ADCY5: variants seen among roughly 807,000 people sequenced by gnomAD.
The protein encoded by ADCY5 is adenylate cyclase type 5.
In ADCY5, 30 loss-of-function variants were observed where a neutral mutation model predicts 119.7. The ratio of observed to expected loss-of-function variants is 0.25; its 90% CI spans 0.19 to 0.34. ADCY5 has a LOEUF of 0.34. Among genes scored for constraint, ADCY5 ranks in the 10% least tolerant of loss-of-function variants. The pLI, the probability that ADCY5 is intolerant of heterozygous loss-of-function variation, is 1.00. For synonymous variants in ADCY5, 753 were observed against 762.2 expected, an observed-to-expected ratio of 0.99 and a Z score of 0.20; for missense variants, 1,324 against 1,775.2, an observed-to-expected ratio of 0.75 and a Z score of 4.57.
intron 1 of ADCY5, among the ~76,000 whole-genome samples, chr3:123,417,065 C>T (rs960214194): frequency 6.6e-6 from 1 of 152,080 alleles, no homozygotes; most frequent in African/African-American, 2.4e-5. Context: ...TTGTTTATGC[C>T]CCCAATCTCT....
At chr3:123,395,925 T>G (rs1576661885) in intron 1 of ADCY5, among the ~76,000 whole-genome samples, 26 of 103,104 alleles carry the variant, frequency 2.5e-4, no homozygotes, top group Admixed American at 5.0e-4. Flanking sequence ...AAGAAAGGAG[T>G]GGAGAGAAGG....
intron 3 of ADCY5, 78 bp downstream of exon 3, chr3:123,347,704 C>G: frequency 8.2e-7 from 1 of 1,218,574 alleles, no homozygotes; most frequent in Non-Finnish European, 1.1e-6. Context: ...GCTGTGCCCA[C>G]TTGAAAGGAA....
intron 1 of ADCY5, among the ~76,000 whole-genome samples, chr3:123,395,493 G>A (rs9653919): frequency 0.076 from 11,550 of 152,168 alleles, 1,097 homozygotes; most frequent in African/African-American, 0.22. Flanking sequence ...TGTAAGCTAC[G>A]TGCAGACAGA....
In ADCY5 at chr3:123,300,260, G is replaced by A. The variant is rs1422092732; in HGVS notation, c.2760C>T (p.Ala920=). 1 of 1,613,612 alleles carries A rather than the reference G, an allele frequency of 6.2e-7. No homozygotes were observed. Among genetic ancestry groups the A allele is most frequent in the Admixed American group, 1.7e-5 (1 of 60,034 alleles). The change falls in exon 15 of 21, where the codon GCC becomes GCT. Residue 920 remains alanine (A), a synonymous_variant. Transcript: ENST00000462833. ...FTYSVLLSLL[A]CSVFLQISCI... ...AGCTGATCTGCAGGAACACGGAGCA[G>A]GCCAGCAGGCTGAGCAGCACGCTGT...
In ADCY5 at chr3:123,319,717, C is replaced by A; in HGVS notation, c.2213G>T (p.Arg738Leu). The A allele has an allele frequency of 6.2e-7, 1 of 1,614,202 alleles. No homozygotes were observed. The highest frequency in any genetic ancestry group is 8.5e-7 in the Non-Finnish European group (1 of 1,180,016). Residue 738 changes from arginine to leucine, a missense_variant, in exon 10 of 21, where the codon CGC (arginine) becomes CTC (leucine). Arg to Leu is a moderately radical substitution (Grantham distance 102). Around this residue, in one of 6 missense-constraint regions of ADCY5, gnomAD observed 424 missense variants for 546.8 expected, o/e 0.78. Coordinates refer to ENST00000462833, the MANE Select transcript of ADCY5 (RefSeq NM_183357.3). Reference protein sequence around the residue: ...SIDRLRSEHVRKFLLTFREPD... With the variant: ...SIDRLRSEHVLKFLLTFREPD... ...CTCCCTGAAGGTCAGGAGGAACTTG[C>A]GGACGTGCTCAGACCGAAGCCTATC...
chr3:123,333,489 C>T (rs77093988), intron 3 of ADCY5, among the ~76,000 whole-genome samples: 1,900 of 152,364 alleles, frequency 0.012, 23 homozygotes, highest in African/African-American at 0.035. Context: ...GGGCTCCACG[C>T]GGCTGCTGGG....
At chr3:123,396,355 G>A (rs951357723) in intron 1 of ADCY5, among the ~76,000 whole-genome samples, 2 of 134,250 alleles carry the variant, frequency 1.5e-5, no homozygotes, top group African/African-American at 5.6e-5. Context: ...AAAAGAGAGA[G>A]AAGGGAGGGA....
Position 123,284,748 on chromosome 3 carries a change from C to T in ADCY5, c.3658-12G>A, listed in dbSNP as rs1010903820. 6.2e-7 allele frequency: 1 copy of T among 1,613,994 alleles called. No homozygotes were observed. The highest frequency in any genetic ancestry group is 8.5e-7 in the Non-Finnish European group (1 of 1,179,922). On this transcript the variant is annotated splice_polypyrimidine_tract_variant and intron_variant, in intron 20 of 20. Coordinates refer to ENST00000462833, the MANE Select transcript of ADCY5 (RefSeq NM_183357.3). Reference sequence around the variant, plus strand: ...ATGTCTGTGGTGACCTGTGGGGGAACAGGAGGAGAGAGGGCAAGCCACTGA... The same window carrying T: ...ATGTCTGTGGTGACCTGTGGGGGAATAGGAGGAGAGAGGGCAAGCCACTGA...
intron 3 of ADCY5, among the ~76,000 whole-genome samples, chr3:123,344,176 C>A (rs1942417452): frequency 6.6e-6 from 1 of 152,226 alleles, no homozygotes; most frequent in South Asian, 2.1e-4. Context: ...TTCCTTAGAT[C>A]CAGGCCCAGC....
intron 1 of ADCY5, among the ~76,000 whole-genome samples, chr3:123,367,134 G>A (rs1271597404): frequency 6.6e-6 from 1 of 152,216 alleles, no homozygotes; most frequent in African/African-American, 2.4e-5. Context: ...CTAGATCCAT[G>A]GGGAATCCCA....
chr3:123,284,641 G>T lies in ADCY5; in HGVS notation c.3753C>A (p.Thr1251=), dbSNP rs1559773572. 1 of 1,614,142 alleles carries T rather than the reference G, an allele frequency of 6.2e-7. No homozygotes were observed. Among genetic ancestry groups the T allele is most frequent in the Non-Finnish European group, 8.5e-7 (1 of 1,180,046 alleles). The change falls in exon 21 of 21, where the codon ACC becomes ACA. Residue 1251 remains threonine (T), a synonymous_variant. Coordinates refer to ENST00000462833, the MANE Select transcript of ADCY5 (RefSeq NM_183357.3). Reference sequence around the variant, plus strand: ...GCGGGGGCCCTCCATTGAGGAAGTAGGTCATCATCTCGCCTTTGCCCTTGA... The same window carrying T: ...GCGGGGGCCCTCCATTGAGGAAGTATGTCATCATCTCGCCTTTGCCCTTGA... ...VKVKGKGEMM[T]YFLNGGPPLS
At chr3:123,376,303 G>T (rs1278349991) in intron 1 of ADCY5, among the ~76,000 whole-genome samples, 1 of 139,872 alleles carries the variant, frequency 7.1e-6, no homozygotes, top group African/African-American at 2.7e-5. Context: ...ACGCTCCAAA[G>T]GCCTGCGTGG....
chr3:123,313,759 C>A (rs769640472), intron 12 of ADCY5, among the ~76,000 whole-genome samples: 2 of 152,196 alleles, frequency 1.3e-5, no homozygotes, highest in Non-Finnish European at 2.9e-5. Context: ...CCAAAACACA[C>A]TCCTCATCTA....
chr3:123,291,158 G>A lies in ADCY5; in HGVS notation c.3282C>T (p.Val1094=), dbSNP rs570211678. The part of the protein sequence containing the change: ...YVELEANNEG[V]ECLRLLNEII... ...TCTCATTGAGTAGCCGCAGGCACTC[G>A]ACACCCTCGTTGTTGGCCTCCAGCT... The change falls in exon 18 of 21, where the codon GTC becomes GTT. Residue 1094 remains valine, a synonymous_variant. Transcript: ENST00000462833. The A allele has an allele frequency of 1.4e-5, 22 of 1,614,036 alleles. No homozygotes were observed. In the East Asian group the frequency reaches 2.0e-4, roughly 15 times the overall value.
chr3:123,354,932 T>G (rs1480467502), intron 1 of ADCY5, among the ~76,000 whole-genome samples: 1 of 152,208 alleles, frequency 6.6e-6, no homozygotes, highest in Non-Finnish European at 1.5e-5. Context: ...CTTACCAACT[T>G]AGGAATGGAA....
intron 3 of ADCY5, among the ~76,000 whole-genome samples, chr3:123,342,315 C>A (rs2108454886): frequency 6.6e-6 from 1 of 152,312 alleles, no homozygotes; most frequent in South Asian, 2.1e-4. Flanking sequence ...GACACCAGAG[C>A]AACCTGGGGA....
chr3:123,389,257 G>T (rs911640262), intron 1 of ADCY5, among the ~76,000 whole-genome samples: 2 of 152,148 alleles, frequency 1.3e-5, no homozygotes, highest in Non-Finnish European at 2.9e-5. Flanking sequence ...GGACAGCAGT[G>T]AGGGCTCAGA....
chr3:123,425,742 T>G (rs1391285648), intron 1 of ADCY5, among the ~76,000 whole-genome samples: 1 of 80,764 alleles, frequency 1.2e-5, no homozygotes, highest in African/African-American at 4.7e-5. Flanking sequence ...CAGGGAGCCC[T>G]GGCCCCAGCT....
chr3:123,329,501 T>G (rs1418020510), intron 5 of ADCY5, among the ~76,000 whole-genome samples: 3 of 152,140 alleles, frequency 2.0e-5, no homozygotes, highest in Non-Finnish European at 4.4e-5. Context: ...GGAGGCAGAC[T>G]GGGAAGGAAG....
Sources: gnomAD v4.1 joint callset for allele counts (sites outside exome capture counted in the v4.1 genomes callset) on GRCh38, gnomAD v4.1.1 for gene constraint, gnomAD v4.1.1 regional missense constraint, MANE v1.5 for transcripts, NCBI Gene and HGNC (gene_info 2026-07-23, HGNC 2026-07-21) for gene names.